TBC1D20: variants seen among roughly 807,000 people sequenced by gnomAD.
TBC1D20 encodes the protein chromosome 20 open reading frame 140.
Under a neutral mutation model 41.6 loss-of-function variants are expected in TBC1D20, and 12 were observed. That is an observed-to-expected ratio of 0.29 (90% confidence interval 0.18 to 0.47). The LOEUF is 0.47. Among genes scored for constraint, TBC1D20 ranks in the 20% least tolerant of loss-of-function variants. The pLI, the probability that TBC1D20 is intolerant of heterozygous loss-of-function variation, is 1.00. For synonymous variants in TBC1D20, 205 were observed against 204.8 expected (o/e 1.00, Z -0.01); for missense variants, 421 against 517.4 (o/e 0.81, Z 1.81).
At position 438,524 on chromosome 20, in the gene TBC1D20, C is replaced by T. The variant is rs566730520; in HGVS notation, c.*62G>A. On this transcript the variant is annotated 3_prime_UTR_variant, in exon 8 of 8. Transcript: ENST00000354200. ...TTTAATAAAGGAAATTCCACCCCTC[C>T]CAATCCTTCCATGGAAGGGTGAGAC... The T allele has an allele frequency of 6.4e-7, 1 of 1,572,060 alleles. No homozygotes were observed. The highest frequency in any genetic ancestry group is 2.3e-5 in the East Asian group (1 of 44,342).
chr20:447,154 G>A (rs1335240908), intron 2 of TBC1D20, among the ~76,000 whole-genome samples: 1 of 143,976 alleles, frequency 6.9e-6, no homozygotes, highest in Non-Finnish European at 1.5e-5. Context: ...TAGAGATGGG[G>A]TTTCACCATC....
intron 1 of TBC1D20, among the ~76,000 whole-genome samples, chr20:451,002 T>C (rs1276689790): frequency 6.6e-6 from 1 of 152,138 alleles, no homozygotes; most frequent in Admixed American, 6.6e-5. Flanking sequence ...GCCAGTACCA[T>C]TGAGAAAATA....
chr20:444,631 C>T (rs1449898622), intron 3 of TBC1D20, among the ~76,000 whole-genome samples: 2 of 152,040 alleles, frequency 1.3e-5, no homozygotes, highest in African/African-American at 4.8e-5. Context: ...TATACTCTTA[C>T]ACAAACAGGG....
At chr20:462,220 C>A in intron 1 of TBC1D20, 116 bp downstream of exon 1, 3 of 639,466 alleles carry the variant, frequency 4.7e-6, no homozygotes, top group South Asian at 7.0e-5. Flanking sequence ...CGCCCGGAAC[C>A]CCGCAGCAGC....
At chr20:456,168 G>A (rs981039703) in intron 1 of TBC1D20, among the ~76,000 whole-genome samples, 6 of 151,590 alleles carry the variant, frequency 4.0e-5, no homozygotes, top group African/African-American at 1.5e-4. Context: ...AGCTGCTTAG[G>A]AGGCAGAGGC....
At chr20:447,120 C>A (rs1393934304) in intron 2 of TBC1D20, among the ~76,000 whole-genome samples, 1 of 142,946 alleles carries the variant, frequency 7.0e-6, no homozygotes, top group Non-Finnish European at 1.5e-5. Context: ...GGCTAATGTT[C>A]GTATTTTTTT....
At chr20:442,101 G>T in intron 3 of TBC1D20, 58 bp from the exon 4 acceptor site, 1 of 1,415,054 alleles carries the variant, frequency 7.1e-7, no homozygotes, top group Non-Finnish European at 9.5e-7. Context: ...TAACAAGGAG[G>T]TCGAAGAAGG....
intron 1 of TBC1D20, among the ~76,000 whole-genome samples, chr20:450,210 G>A (rs1350253629): frequency 6.0e-5 from 9 of 150,906 alleles, no homozygotes; most frequent in Admixed American, 3.3e-4. Flanking sequence ...GTGTAATGGC[G>A]CGATCTCAGC....
In TBC1D20 at chr20:437,178, G is replaced by A. The variant is rs2017135167; in HGVS notation, c.*1408C>T. Reference sequence around the variant, plus strand: ...TGCTTAGTGTAACTCAGCGGACAGGGCTCCCAGCTGCTCTGGCACGTGGGA... The same window carrying A: ...TGCTTAGTGTAACTCAGCGGACAGGACTCCCAGCTGCTCTGGCACGTGGGA... On this transcript the variant is annotated 3_prime_UTR_variant, in exon 8 of 8. Transcript: ENST00000354200. The A allele has an allele frequency of 6.6e-6, 1 of 152,434 alleles. No homozygotes were observed. The highest frequency in any genetic ancestry group is 2.1e-4 in the South Asian group (1 of 4,790). The allele number at this position is 152,434 out of a possible 1,614,324, so 9.4% of individuals were successfully genotyped here. A position where few individuals can be genotyped will look rare whatever the true frequency, so the allele number is the denominator to read the frequency against.
At chr20:453,181 A>C (rs888029792) in intron 1 of TBC1D20, among the ~76,000 whole-genome samples, 2 of 126,610 alleles carry the variant, frequency 1.6e-5, no homozygotes, top group Admixed American at 8.2e-5. Context: ...AAAAAAAAAA[A>C]AAAAAAACAG....
chr20:451,463 G>T (rs1302828518), intron 1 of TBC1D20, among the ~76,000 whole-genome samples: 1 of 152,030 alleles, frequency 6.6e-6, no homozygotes, highest in Admixed American at 6.6e-5. Context: ...CAGGAGAATC[G>T]CTTGAACCTG....
At chr20:447,578 A>G (rs534783536) in intron 2 of TBC1D20, among the ~76,000 whole-genome samples, 1 of 152,054 alleles carries the variant, frequency 6.6e-6, no homozygotes, top group Non-Finnish European at 1.5e-5. Context: ...AAATTGCTTG[A>G]ACCCAGGGGG....
At position 438,283 on chromosome 20, in the gene TBC1D20, A is replaced by G; in HGVS notation, c.*303T>C. 2.6e-6 allele frequency: 1 copy of G among 380,770 alleles called. No homozygotes were observed. Among genetic ancestry groups the G allele is most frequent in the Non-Finnish European group, 4.8e-6 (1 of 208,570 alleles). The allele number at this position is 380,770 out of a possible 1,614,324, so 23.6% of individuals were successfully genotyped here. ...GGGCAGCCCAGGCCCAGCAGGTTGC[A>G]AAAGCAGCTGCAAGCTTCAGAAACC... is the stretch of plus-strand genomic sequence containing the variant. On this transcript the variant is annotated 3_prime_UTR_variant, in exon 8 of 8. Transcript: ENST00000354200.
At chr20:440,484 A>G (rs1480963405) in intron 5 of TBC1D20, 95 bp from the exon 6 acceptor site, 5 of 1,467,348 alleles carry the variant, frequency 3.4e-6, no homozygotes, top group Non-Finnish European at 4.6e-6. Flanking sequence ...GCATTTAGGA[A>G]TAAGATTTCT....
chr20:439,653 A>G lies in TBC1D20; in HGVS notation c.769-358T>C, dbSNP rs75592979. On this transcript the variant is annotated intron_variant, in intron 6 of 7. Transcript: ENST00000354200. This position sits in a 1 kb window ranked among gnomAD's most constrained non-coding sequence, Gnocchi z 4.6. ...ATTGGGAGATTCCTGGAGCTCCAGC[A>G]TAGAAGAAATGGTTCAAAACAGTAG... 2.8e-4 allele frequency among the ~76,000 whole-genome samples: 43 copies of G among 152,350 alleles called. No homozygotes were observed. The East Asian group carries it at 8.3e-3, about 29-fold the overall frequency.
chr20:442,469 A>T (rs1313540472), intron 3 of TBC1D20, among the ~76,000 whole-genome samples: 3 of 152,242 alleles, frequency 2.0e-5, no homozygotes, highest in African/African-American at 7.2e-5. Context: ...ACTCTCATAC[A>T]ATACAAAGGA....
chr20:452,359 T>C (rs1043511039), intron 1 of TBC1D20, among the ~76,000 whole-genome samples: 1 of 152,210 alleles, frequency 6.6e-6, no homozygotes, highest in South Asian at 2.1e-4. Flanking sequence ...CCAGGTACAA[T>C]GGCTCACACC....
In TBC1D20 at chr20:436,025, G is replaced by C. The variant is rs1411309299; in HGVS notation, c.*2561C>G. 1 of 152,286 alleles carries C rather than the reference G, an allele frequency of 6.6e-6. No individual in the cohort carries two copies. Among genetic ancestry groups the C allele is most frequent in the Admixed American group, 6.5e-5 (1 of 15,288 alleles). 9.4% of individuals were successfully genotyped at this position (152,286 alleles called of 1,614,324 possible). ...TTATGGGAGTGATGAACCAGGAACT[G>C]TGGACAAAAACATCTACACACGTAT... is the stretch of plus-strand genomic sequence containing the variant. On this transcript the variant is annotated 3_prime_UTR_variant, in exon 8 of 8. Coordinates refer to ENST00000354200, the MANE Select transcript of TBC1D20 (RefSeq NM_144628.4).
rs11553433 is a variant in TBC1D20, at chr20:435,756, A to G, written c.*2830T>C. ...GCTGAAGCATGGCAGCTGTGTTGAG[A>G]TGAAACTGGACAAAAAGCATAAGGT... On this transcript the variant is annotated 3_prime_UTR_variant, in exon 8 of 8. Coordinates refer to ENST00000354200, the MANE Select transcript of TBC1D20 (RefSeq NM_144628.4). 6,540 of 152,522 alleles carry G rather than the reference A, an allele frequency of 0.043. 389 individuals are homozygous for G. The highest frequency in any genetic ancestry group is 0.13 in the African/African-American group (5,452 of 41,508). 9.4% of individuals were successfully genotyped at this position (152,522 alleles called of 1,614,324 possible). A position where few individuals can be genotyped will look rare whatever the true frequency, so the allele number is the denominator to read the frequency against.
Sources: gnomAD v4.1 joint callset for allele counts (sites outside exome capture counted in the v4.1 genomes callset) on GRCh38, gnomAD v4.1.1 for gene constraint, Gnocchi (gnomAD v3.1) non-coding constraint, MANE v1.5 for transcripts, NCBI Gene and HGNC (gene_info 2026-07-23, HGNC 2026-07-21) for gene names.